The following MACROD2 variants were observed in gnomAD, a reference collection of about 807,000 sequenced individuals.
The protein encoded by MACROD2 is mono-ADP ribosylhydrolase 2.
MACROD2 carries 36 observed loss-of-function variants against 70.4 expected under a neutral mutation model. That is an observed-to-expected ratio of 0.51 (90% CI 0.39 to 0.68). The LOEUF is 0.68. MACROD2 is among the 30% of genes least tolerant of loss of function. The pLI is 0.00. For synonymous variants in MACROD2, 172 were observed against 178.8 expected, an observed-to-expected ratio of 0.96 and a Z score of 0.30; for missense variants, 496 against 538.4, an observed-to-expected ratio of 0.92 and a Z score of 0.78.
rs1011445416 is a variant in MACROD2, at chr20:15,760,720, T to C, written c.646-102025T>C. ...CGACATCTAGCAAAATGCCTGGAAG[T>C]ACCCTGCACACTGTTTTTCAGCTCA... On this transcript the variant is annotated intron_variant, in intron 8 of 17. Coordinates refer to ENST00000684519, the MANE Select transcript of MACROD2 (RefSeq NM_001351661.2). Among the ~76,000 whole-genome samples, 3 of 152,222 alleles carry C rather than the reference T, an allele frequency of 2.0e-5. No individual in the cohort carries two copies. The South Asian group carries it at 6.2e-4, about 32-fold the overall frequency.
At chr20:14,234,102 C>T (rs1601383037) in intron 3 of MACROD2, among the ~76,000 whole-genome samples, 1 of 152,234 alleles carries the variant, frequency 6.6e-6, no homozygotes, top group South Asian at 2.1e-4. Flanking sequence ...AAATGTACCA[C>T]AGTGATGCAA....
intron 4 of MACROD2, among the ~76,000 whole-genome samples, chr20:14,543,001 T>G (rs1296070175): frequency 2.6e-5 from 4 of 152,218 alleles, no homozygotes; most frequent in Non-Finnish European, 5.9e-5. Context: ...AATCTTTTAT[T>G]TTAAAACAAC....
rs539108847 is a variant in MACROD2, at chr20:14,273,371, G to A, written c.271+187643G>A. Reference sequence around the variant, plus strand: ...AAAACTGCTCAACTACATGGAAACTGAACAACCTGCTCCTGAATGACTACT... The same window carrying A: ...AAAACTGCTCAACTACATGGAAACTAAACAACCTGCTCCTGAATGACTACT... On this transcript the variant is annotated intron_variant, in intron 3 of 17. Transcript: ENST00000684519. Among the ~76,000 whole-genome samples the A allele has an allele frequency of 6.0e-5, 9 of 151,216 alleles. No individual in the cohort carries two copies. The South Asian group carries it at 1.5e-3, about 25-fold the overall frequency.
intron 8 of MACROD2, among the ~76,000 whole-genome samples, chr20:15,653,654 CT>C (rs1205153471): frequency 6.6e-6 from 1 of 152,156 alleles, no homozygotes; most frequent in Non-Finnish European, 1.5e-5. Flanking sequence ...TGGCCTATGA[CT>C]GCTGTTGGTC....
chr20:14,953,818 A>G (rs1036799209), intron 5 of MACROD2, among the ~76,000 whole-genome samples: 1 of 152,098 alleles, frequency 6.6e-6, no homozygotes, highest in Non-Finnish European at 1.5e-5. Context: ...AAATTTTAGT[A>G]TTTGATGTTA....
At chr20:14,049,479 G>A (rs781478556) in intron 2 of MACROD2, among the ~76,000 whole-genome samples, 27 of 151,732 alleles carry the variant, frequency 1.8e-4, no homozygotes, top group Middle Eastern at 3.4e-3. Context: ...GGTGGCTCAC[G>A]CTTATAATCC....
At chr20:14,059,939 T>C (rs898988097) in intron 2 of MACROD2, among the ~76,000 whole-genome samples, 1 of 152,104 alleles carries the variant, frequency 6.6e-6, no homozygotes, top group Non-Finnish European at 1.5e-5. Flanking sequence ...GACCCAGACA[T>C]GTGTAAATCT....
intron 3 of MACROD2, among the ~76,000 whole-genome samples, chr20:14,474,433 A>G (rs1358084061): frequency 6.6e-6 from 1 of 152,188 alleles, no homozygotes; most frequent in Non-Finnish European, 1.5e-5. Context: ...GCTATTGAGA[A>G]GAATGTATAT....
rs553569215 is a variant in MACROD2 at position 14,621,316 on chromosome 20, T to C, written c.302-63527T>C. Among the ~76,000 whole-genome samples, 4 of 152,252 alleles carry C rather than the reference T, an allele frequency of 2.6e-5. No individual in the cohort carries two copies. The South Asian group carries it at 8.3e-4, about 32-fold the overall frequency. On this transcript the variant is annotated intron_variant, in intron 4 of 17. Coordinates refer to ENST00000684519, the MANE Select transcript of MACROD2 (RefSeq NM_001351661.2). The stretch of plus-strand genomic sequence containing the variant: ...TCAGCCTCCACGTGGACTATGGGGT[T>C]GGGATAAGTTTACAGATGTGCTGCT...
intron 3 of MACROD2, among the ~76,000 whole-genome samples, chr20:14,106,027 C>T (rs1337360827): frequency 6.6e-6 from 1 of 152,134 alleles, no homozygotes; most frequent in Non-Finnish European, 1.5e-5. Flanking sequence ...TTAGGTGTTA[C>T]CCAGAACATT....
chr20:14,394,101 G>A (rs555052020), intron 3 of MACROD2, among the ~76,000 whole-genome samples: 9 of 152,292 alleles, frequency 5.9e-5, no homozygotes, highest in Admixed American at 2.6e-4. Context: ...CCAAAAGGAC[G>A]TGTAGAGGAA....
chr20:15,164,761 C>A (rs2076372009), intron 5 of MACROD2, among the ~76,000 whole-genome samples: 1 of 152,006 alleles, frequency 6.6e-6, no homozygotes, highest in African/African-American at 2.4e-5. Context: ...GTTAGCCAGG[C>A]ATGGTGGCTT....
chr20:14,047,033 T>G (rs570379952), intron 2 of MACROD2, among the ~76,000 whole-genome samples: 1 of 152,024 alleles, frequency 6.6e-6, no homozygotes, highest in Non-Finnish European at 1.5e-5. Context: ...CTTACAAATA[T>G]AGAGTATAGA....
chr20:15,048,434 T>C (rs180773402), intron 5 of MACROD2, among the ~76,000 whole-genome samples: 96 of 151,964 alleles, frequency 6.3e-4, no homozygotes, highest in African/African-American at 2.0e-3. Context: ...TGTAGGTTAC[T>C]TAATCCTCTC....
At chr20:15,321,188 G>T (rs2077870802) in intron 6 of MACROD2, among the ~76,000 whole-genome samples, 1 of 114,130 alleles carries the variant, frequency 8.8e-6, no homozygotes, top group Non-Finnish European at 2.1e-5. Context: ...ATTCTTTCTG[G>T]ACTCTGTTCC....
chr20:14,022,341 C>T (rs1297402175), intron 2 of MACROD2, among the ~76,000 whole-genome samples: 1 of 151,816 alleles, frequency 6.6e-6, no homozygotes, highest in South Asian at 2.1e-4. Context: ...TACATTTACT[C>T]AGTTTTATCA....
intron 3 of MACROD2, among the ~76,000 whole-genome samples, chr20:14,304,360 A>T (rs2082501868): frequency 6.6e-6 from 1 of 152,204 alleles, no homozygotes; most frequent in East Asian, 1.9e-4. Context: ...GGTAGTATCC[A>T]TTCTGTCGCC....
At chr20:16,007,011 G>A (rs1455067320) in intron 15 of MACROD2, among the ~76,000 whole-genome samples, 1 of 152,128 alleles carries the variant, frequency 6.6e-6, no homozygotes, top group Non-Finnish European at 1.5e-5. Flanking sequence ...ACAACTTAGA[G>A]GAAAATTCCT....
intron 3 of MACROD2, among the ~76,000 whole-genome samples, chr20:14,283,234 AT>A (rs1251370825): frequency 6.6e-6 from 1 of 152,192 alleles, no homozygotes; most frequent in African/African-American, 2.4e-5. Flanking sequence ...TTTTGTTTGA[AT>A]TATTTAAAAT....
Sources: gnomAD v4.1 joint callset for allele counts (sites outside exome capture counted in the v4.1 genomes callset) on GRCh38, gnomAD v4.1.1 for gene constraint, MANE v1.5 for transcripts, NCBI Gene and HGNC (gene_info 2026-07-23, HGNC 2026-07-21) for gene names.